Variants in NSD2 observed in about 807,000 individuals in gnomAD.
NSD2 encodes the protein nuclear receptor binding SET domain protein 2.
NSD2 carries 12 observed loss-of-function variants against 139.0 expected under a neutral mutation model. The ratio of observed to expected loss-of-function variants is 0.09; its 90% CI spans 0.06 to 0.14. NSD2 has a LOEUF of 0.14. Ranked by LOEUF, NSD2 falls within the 10% of genes least tolerant of loss-of-function variation. NSD2 has a pLI of 1.00. For synonymous variants in NSD2, 669 were observed against 648.7 expected (o/e 1.03, Z -0.48); for missense variants, 1,155 against 1,745.0 (o/e 0.66, Z 6.02).
intron 7 of NSD2, among the ~76,000 whole-genome samples, chr4:1,935,883 C>T (rs1722329628): frequency 6.6e-6 from 1 of 151,930 alleles, no homozygotes; most frequent in African/African-American, 2.4e-5. Flanking sequence ...ACAAAAAAAC[C>T]CCCAAACACC....
chr4:1,944,702 T>G (rs1723440938), intron 9 of NSD2: 1 of 1,064,608 alleles, frequency 9.4e-7, no homozygotes, highest in Non-Finnish European at 1.1e-6. Context: ...TGAATTGTTT[T>G]TCTAAGACTG....
Position 1,981,419 on chromosome 4 carries a change from C to T in NSD2, c.*2510C>T. 1 of 233,660 alleles carries T rather than the reference C, an allele frequency of 4.3e-6. No homozygotes were observed. The allele number at this position is 233,660 out of a possible 1,614,324, so 14.5% of individuals were successfully genotyped here. A position where few individuals can be genotyped will look rare whatever the true frequency, so the allele number is the denominator to read the frequency against. Reference sequence around the variant, plus strand: ...TCTGAGGACGTGGTGACTTCCTGAACATCAGCTTCAATCCTCCATCATTAA... The same window carrying T: ...TCTGAGGACGTGGTGACTTCCTGAATATCAGCTTCAATCCTCCATCATTAA... On this transcript the variant is annotated 3_prime_UTR_variant, in exon 22 of 22. Coordinates refer to ENST00000508803, the MANE Select transcript of NSD2 (RefSeq NM_001042424.3).
chr4:1,884,285 G>C (rs1714918245), intron 1 of NSD2, among the ~76,000 whole-genome samples: 1 of 152,040 alleles, frequency 6.6e-6, no homozygotes. Flanking sequence ...TTGTAGAGAT[G>C]GGATTTTGCC....
At chr4:1,943,883 G>T (rs1354987137) in intron 9 of NSD2, 1 of 1,063,326 alleles carries the variant, frequency 9.4e-7, no homozygotes, top group Non-Finnish European at 1.1e-6. Context: ...GATGAATTTT[G>T]CATGGGTGGC....
At chr4:1,941,324 A>T in intron 9 of NSD2, 1 of 1,054,294 alleles carries the variant, frequency 9.5e-7, no homozygotes, top group Non-Finnish European at 1.1e-6. Context: ...TGTTGCTTAT[A>T]CTGTTGTCAG....
intron 5 of NSD2, among the ~76,000 whole-genome samples, chr4:1,929,100 G>A (rs1292568177): frequency 2.0e-5 from 3 of 152,110 alleles, no homozygotes; most frequent in Non-Finnish European, 4.4e-5. Context: ...GGTGTCTGCA[G>A]GTTGTCTAGA....
intron 8 of NSD2, among the ~76,000 whole-genome samples, chr4:1,938,867 C>T (rs1722772335): frequency 6.6e-6 from 1 of 152,130 alleles, no homozygotes; most frequent in South Asian, 2.1e-4. Flanking sequence ...GTGCCAGTTG[C>T]TACTGTAAAT....
chr4:1,872,109 C>A (rs1298088429), intron 1 of NSD2, among the ~76,000 whole-genome samples: 1 of 151,812 alleles, frequency 6.6e-6, no homozygotes, highest in Admixed American at 6.6e-5. Context: ...CGGTGTCTGG[C>A]GTTGACACTC....
intron 18 of NSD2, among the ~76,000 whole-genome samples, chr4:1,971,063 TA>T (rs1726417306): frequency 6.6e-6 from 1 of 152,148 alleles, no homozygotes; most frequent in African/African-American, 2.4e-5. Context: ...AGGTTAAAAA[TA>T]AAATTGTGGG....
chr4:1,949,239 A>G (rs1043088389), intron 9 of NSD2, among the ~76,000 whole-genome samples: 4 of 152,232 alleles, frequency 2.6e-5, no homozygotes, highest in Non-Finnish European at 1.5e-5. Flanking sequence ...TGGCTCTTGC[A>G]GGGCCCTCCT....
Position 1,916,982 on chromosome 4 carries a change from A to G in NSD2, c.872A>G (p.Glu291Gly), listed in dbSNP as rs1303399819. 1 of 1,614,086 alleles carries G rather than the reference A, an allele frequency of 6.2e-7. No individual in the cohort carries two copies. Among genetic ancestry groups the G allele is most frequent in the African/African-American group, 1.3e-5 (1 of 75,058 alleles). The change falls in exon 4 of 22, where the codon GAA becomes GGA. Residue 291 changes from glutamate (E) to glycine (G), a missense_variant. Glu to Gly is a moderately conservative substitution (Grantham distance 98). Coordinates refer to ENST00000508803, the MANE Select transcript of NSD2 (RefSeq NM_001042424.3). ...LVAFEGEGQFEKLCQESAKQA... is the reference protein window; with the variant it reads ...LVAFEGEGQFGKLCQESAKQA... ...GCTTTTGAAGGAGAAGGACAGTTTGAAAAATTATGCCAGGAAAGTGCCAAG... is the reference window on the plus strand; with the variant it reads ...GCTTTTGAAGGAGAAGGACAGTTTGGAAAATTATGCCAGGAAAGTGCCAAG...
Position 1,900,746 on chromosome 4 carries a change from C to T in NSD2, c.92C>T (p.Ala31Val). The change falls in exon 2 of 22, where the codon GCC becomes GTC. Residue 31 changes from alanine to valine, a missense_variant. By Grantham distance (64) the Ala-to-Val change is moderately conservative. Around this residue, in one of 8 missense-constraint regions of NSD2, gnomAD observed 246 missense variants for 262.8 expected, o/e 0.94. Transcript: ENST00000508803. ...CAGGCACCAGAAATCCTCGGCAGTG[C>T]CAACGGGAAGACTCCGAGCTGCGAG... is the stretch of plus-strand genomic sequence containing the variant. ...MKQAPEILGSANGKTPSCEVN... is the reference protein window; with the variant it reads ...MKQAPEILGSVNGKTPSCEVN... The T allele has an allele frequency of 1.2e-6, 2 of 1,614,108 alleles. No individual in the cohort carries two copies. The highest frequency in any genetic ancestry group is 2.2e-5 in the South Asian group (2 of 91,066).
intron 9 of NSD2, chr4:1,940,950 CAGT>C (rs1225903409): frequency 4.7e-6 from 5 of 1,057,368 alleles, no homozygotes; most frequent in Non-Finnish European, 3.4e-6. Flanking sequence ...CAAACCAACT[CAGT>C]GGTGGTCGAG....
In NSD2 at chr4:1,955,933, A is replaced by G; in HGVS notation, c.2676-50A>G. On this transcript the variant is annotated intron_variant, in intron 14 of 21. Transcript: ENST00000508803. This position sits in a 1 kb window ranked among gnomAD's most constrained non-coding sequence, Gnocchi z 4.7. ...CAGTACTTAAAGTATTGAAATTATTATCGCTGTCTCTGAGGAGTCTGTGAA... is the reference window on the plus strand; with the variant it reads ...CAGTACTTAAAGTATTGAAATTATTGTCGCTGTCTCTGAGGAGTCTGTGAA... The G allele has an allele frequency of 6.2e-7, 1 of 1,611,240 alleles. No homozygotes were observed. Among genetic ancestry groups the G allele is most frequent in the Non-Finnish European group, 8.5e-7 (1 of 1,178,240 alleles).
At chr4:1,882,040 G>A (rs1251263442) in intron 1 of NSD2, among the ~76,000 whole-genome samples, 1 of 152,248 alleles carries the variant, frequency 6.6e-6, no homozygotes, top group Admixed American at 6.5e-5. Context: ...GGGTGATGGT[G>A]TGACATGAAT....
intron 1 of NSD2, among the ~76,000 whole-genome samples, chr4:1,892,597 G>T (rs2108707691): frequency 6.6e-6 from 1 of 151,168 alleles, no homozygotes; most frequent in East Asian, 2.0e-4. Flanking sequence ...ACGGAGTCTT[G>T]CCCTGTCGCC....
chr4:1,926,527 G>T (rs1265265036), intron 5 of NSD2, among the ~76,000 whole-genome samples: 23 of 152,016 alleles, frequency 1.5e-4, no homozygotes, highest in Non-Finnish European at 5.9e-5. Context: ...CTGGATTGCA[G>T]TGGCACAATC....
At position 1,955,205 on chromosome 4, in the gene NSD2, G is replaced by T; in HGVS notation, c.2383G>T (p.Gly795Trp). 6.2e-7 allele frequency: 1 copy of T among 1,614,046 alleles called. No individual in the cohort carries two copies. The highest frequency in any genetic ancestry group is 1.1e-5 in the South Asian group (1 of 91,080). Residue 795 changes from glycine (G) to tryptophan (W), a missense_variant, in exon 13 of 22, where the codon GGG (glycine) becomes TGG (tryptophan). Gly to Trp is a radical substitution (Grantham distance 184, BLOSUM62 -2). Around this residue, in one of 8 missense-constraint regions of NSD2, gnomAD observed 120 missense variants for 239.3 expected, o/e 0.50. Coordinates refer to ENST00000508803, the MANE Select transcript of NSD2 (RefSeq NM_001042424.3). The surrounding 1 kb of genome is among the most constrained non-coding windows in gnomAD (Gnocchi z 4.7). ...CCGCTGCCCCGTTGCCTATCACAGC[G>T]GGGATGCTTGTCTGGCAGCAGGATG... ...CVRCPVAYHS[G>W]DACLAAGCSV...
At chr4:1,887,765 A>G (rs1053626851) in intron 1 of NSD2, 1 of 152,156 alleles carries the variant, frequency 6.6e-6, no homozygotes, top group Non-Finnish European at 1.5e-5. Context: ...ATTTACTTGT[A>G]TGACTTTGTT....
Sources: allele counts gnomAD v4.1 joint callset (sites outside exome capture counted in the v4.1 genomes callset), GRCh38; gene constraint gnomAD v4.1.1; regional missense constraint gnomAD v4.1.1; non-coding constraint Gnocchi (gnomAD v3.1); transcripts MANE v1.5; gene names NCBI Gene and HGNC (gene_info 2026-07-23, HGNC 2026-07-21).